UNC5D: variants seen among roughly 807,000 people sequenced by gnomAD.
UNC5D encodes the protein unc-5 netrin receptor D, also known as netrin receptor UNC5D.
In UNC5D, 39 loss-of-function variants were observed where a neutral mutation model predicts 105.4. That is an observed-to-expected ratio of 0.37 (90% CI 0.29 to 0.48). The LOEUF is 0.48. Ranked by LOEUF, UNC5D falls within the 20% of genes least tolerant of loss-of-function variation. The pLI is 0.98. For synonymous variants in UNC5D, 452 were observed against 450.4 expected, an observed-to-expected ratio of 1.00 and a Z score of -0.04; for missense variants, 991 against 1,202.4, an observed-to-expected ratio of 0.82 and a Z score of 2.60.
chr8:35,514,094 G>T (rs1812956942), intron 1 of UNC5D, among the ~76,000 whole-genome samples: 1 of 152,166 alleles, frequency 6.6e-6, no homozygotes, highest in African/African-American at 2.4e-5. Context: ...GTTGAATGTG[G>T]CATTTCAAGG....
intron 1 of UNC5D, among the ~76,000 whole-genome samples, chr8:35,469,865 A>G (rs974790631): frequency 6.6e-6 from 1 of 152,150 alleles, no homozygotes; most frequent in African/African-American, 2.4e-5. Flanking sequence ...ATACAGCTTT[A>G]GGTATATGTT....
Position 35,335,756 on chromosome 8 carries a change from A to ATTTT in UNC5D, c.103+99891_103+99894dup, listed in dbSNP as rs35774459. Among the ~76,000 whole-genome samples, 768 of 90,416 alleles carry ATTTT rather than the reference A, an allele frequency of 8.5e-3. 30 individuals are homozygous for ATTTT. The highest frequency in any genetic ancestry group is 9.6e-3 in the Non-Finnish European group (477 of 49,556). 59.3% of individuals were successfully genotyped at this position (90,416 alleles called of 152,430 possible). A position where few individuals can be genotyped will look rare whatever the true frequency, so the allele number is the denominator to read the frequency against. On this transcript the variant is annotated intron_variant, in intron 1 of 16. Transcript: ENST00000404895. ...GGATAGAATGAAATGAGAGATTGCA[A>ATTTT]TTTTTTTTTTTTTTTTTTTTTTTTT...
In UNC5D at chr8:35,240,111, TTG is replaced by T. The variant is rs554608522; in HGVS notation, c.103+4232_103+4233del. On this transcript the variant is annotated intron_variant, in intron 1 of 16. Transcript: ENST00000404895. The stretch of plus-strand genomic sequence containing the variant: ...TCATCACACCCGGCTCAGTAATTTT[TTG>T]TGTGTGTTTGTTTGTTTGTAGAGAT... Among the ~76,000 whole-genome samples the T allele has an allele frequency of 2.6e-4, 40 of 152,110 alleles. No homozygotes were observed. In the South Asian group the frequency reaches 7.3e-3, roughly 28 times the overall value.
At chr8:35,637,901 T>C (rs1822481297) in intron 4 of UNC5D, among the ~76,000 whole-genome samples, 1 of 152,170 alleles carries the variant, frequency 6.6e-6, no homozygotes, top group Admixed American at 6.5e-5. Flanking sequence ...TCAGTCCCCA[T>C]GTGCCGGCCA....
intron 1 of UNC5D, among the ~76,000 whole-genome samples, chr8:35,486,859 T>C (rs1690426902): frequency 6.6e-6 from 1 of 152,150 alleles, no homozygotes; most frequent in African/African-American, 2.4e-5. Flanking sequence ...ATGCATCCTC[T>C]GAACCATTAA....
At chr8:35,504,939 C>A (rs534358133) in intron 1 of UNC5D, among the ~76,000 whole-genome samples, 7 of 152,196 alleles carry the variant, frequency 4.6e-5, no homozygotes, top group African/African-American at 1.7e-4. Context: ...CATGTGTAGC[C>A]CCCCAAAACA....
chr8:35,273,996 T>C (rs2128839545), intron 1 of UNC5D, among the ~76,000 whole-genome samples: 1 of 151,886 alleles, frequency 6.6e-6, no homozygotes, highest in East Asian at 2.0e-4. Flanking sequence ...CAATTTATCG[T>C]GGTTTTTTTT....
intron 1 of UNC5D, among the ~76,000 whole-genome samples, chr8:35,341,670 T>G (rs535587199): frequency 1.3e-5 from 2 of 152,194 alleles, no homozygotes; most frequent in East Asian, 3.9e-4. Flanking sequence ...AGATACATCT[T>G]TGATAGGAGA....
At chr8:35,649,830 T>G (rs1823289503) in intron 4 of UNC5D, among the ~76,000 whole-genome samples, 2 of 152,034 alleles carry the variant, frequency 1.3e-5, no homozygotes, top group Non-Finnish European at 2.9e-5. Context: ...ATGAAAAAAC[T>G]AGGAAATACT....
intron 1 of UNC5D, among the ~76,000 whole-genome samples, chr8:35,332,261 A>C (rs1810682021): frequency 6.6e-6 from 1 of 152,190 alleles, no homozygotes; most frequent in Non-Finnish European, 1.5e-5. Context: ...TCAGTCTGCA[A>C]ATATTTTGGA....
chr8:35,657,113 T>TAA (rs1823825986), intron 4 of UNC5D, among the ~76,000 whole-genome samples: 5 of 118,356 alleles, frequency 4.2e-5, no homozygotes, highest in Admixed American at 1.7e-4. Context: ...TATATATATA[T>TAA]ATATATATAT....
intron 1 of UNC5D, among the ~76,000 whole-genome samples, chr8:35,261,718 A>G (rs2128822412): frequency 6.6e-6 from 1 of 152,276 alleles, no homozygotes; most frequent in South Asian, 2.1e-4. Flanking sequence ...AAAGCAAAAA[A>G]TGGTTTTCAG....
At chr8:35,784,047 C>A (rs1478182806) in intron 16 of UNC5D, among the ~76,000 whole-genome samples, 1 of 151,966 alleles carries the variant, frequency 6.6e-6, no homozygotes, top group Non-Finnish European at 1.5e-5. Context: ...CTAGCATAGG[C>A]CAACTGAAAT....
intron 4 of UNC5D, among the ~76,000 whole-genome samples, chr8:35,671,206 C>A (rs903572027): frequency 1.3e-5 from 2 of 152,104 alleles, no homozygotes; most frequent in African/African-American, 2.4e-5. Flanking sequence ...TTGAGTGTCT[C>A]TCTTATATTT....
Position 35,243,329 on chromosome 8 carries a change from G to A in UNC5D, c.103+7442G>A, listed in dbSNP as rs139659157. Among the ~76,000 whole-genome samples the A allele has an allele frequency of 6.6e-5, 10 of 152,222 alleles. No individual in the cohort carries two copies. In the East Asian group the frequency reaches 1.7e-3, roughly 26 times the overall value. On this transcript the variant is annotated intron_variant, in intron 1 of 16. Coordinates refer to ENST00000404895, the MANE Select transcript of UNC5D (RefSeq NM_080872.4). The stretch of plus-strand genomic sequence containing the variant: ...TAAAACAAATAGGCATTCTGAGGGC[G>A]CCGTCCTGATGCAATATAAAGCATT...
intron 1 of UNC5D, among the ~76,000 whole-genome samples, chr8:35,320,329 A>G (rs1809638397): frequency 6.6e-6 from 1 of 152,074 alleles, no homozygotes; most frequent in African/African-American, 2.4e-5. Context: ...CTGGGTTAAG[A>G]TATGGAGTTG....
At chr8:35,572,256 C>T (rs1343815400) in intron 3 of UNC5D, among the ~76,000 whole-genome samples, 2 of 135,754 alleles carry the variant, frequency 1.5e-5, no homozygotes, top group Admixed American at 8.2e-5. Flanking sequence ...CCATTGCACT[C>T]CAGCCTGAGC....
At chr8:35,328,920 T>C (rs573604034) in intron 1 of UNC5D, among the ~76,000 whole-genome samples, 15 of 152,276 alleles carry the variant, frequency 9.9e-5, no homozygotes, top group Non-Finnish European at 1.9e-4. Flanking sequence ...TGTGTCTTTT[T>C]CTCCTTCTCA....
intron 1 of UNC5D, among the ~76,000 whole-genome samples, chr8:35,362,239 C>A (rs1451259512): frequency 6.6e-6 from 1 of 152,142 alleles, no homozygotes; most frequent in Non-Finnish European, 1.5e-5. Context: ...TCCTCTGCAG[C>A]CCTTGCCTGT....
Sources: allele counts gnomAD v4.1 joint callset (sites outside exome capture counted in the v4.1 genomes callset), GRCh38; gene constraint gnomAD v4.1.1; transcripts MANE v1.5; gene names NCBI Gene and HGNC (gene_info 2026-07-23, HGNC 2026-07-21).